IDE: variants seen among roughly 807,000 people sequenced by gnomAD.
The protein encoded by IDE is insulin degrading enzyme, also known as insulin-degrading enzyme.
In IDE, 58 loss-of-function variants were observed where a neutral mutation model predicts 133.2. The ratio of observed to expected loss-of-function variants is 0.44; its 90% CI spans 0.35 to 0.54. IDE has a LOEUF of 0.54. IDE is among the 20% of genes least tolerant of loss of function. The pLI is 0.00. For synonymous variants in IDE, 396 were observed against 421.3 expected, an observed-to-expected ratio of 0.94 and a Z score of 0.73; for missense variants, 981 against 1,234.0, an observed-to-expected ratio of 0.79 and a Z score of 3.07.
chr10:92,552,792 A>T (rs1842841264), intron 1 of IDE, among the ~76,000 whole-genome samples: 1 of 141,544 alleles, frequency 7.1e-6, no homozygotes, highest in South Asian at 2.4e-4. Context: ...TGGGAGGCAG[A>T]GATTGCAATG....
At chr10:92,549,094 C>T (rs1287597739) in intron 1 of IDE, among the ~76,000 whole-genome samples, 1 of 152,010 alleles carries the variant, frequency 6.6e-6, no homozygotes, top group African/African-American at 2.4e-5. Flanking sequence ...ACTGTCTCTA[C>T]TAAAAATACA....
intron 1 of IDE, among the ~76,000 whole-genome samples, chr10:92,565,960 G>A (rs1190220512): frequency 6.6e-6 from 1 of 151,346 alleles, no homozygotes; most frequent in African/African-American, 2.4e-5. Context: ...GTGTATCCTT[G>A]AGCAAGTTAA....
At chr10:92,472,089 T>C (rs1237663542) in intron 17 of IDE, among the ~76,000 whole-genome samples, 1 of 152,198 alleles carries the variant, frequency 6.6e-6, no homozygotes, top group Non-Finnish European at 1.5e-5. Context: ...AATTAAGCCA[T>C]TCTGGCATTT....
intron 4 of IDE, among the ~76,000 whole-genome samples, chr10:92,523,969 T>C (rs1017347119): frequency 6.6e-6 from 1 of 151,928 alleles, no homozygotes; most frequent in Non-Finnish European, 1.5e-5. Flanking sequence ...CTAAACCTGC[T>C]TGTAAACATT....
intron 1 of IDE, among the ~76,000 whole-genome samples, chr10:92,547,241 T>A (rs1027661184): frequency 3.8e-5 from 3 of 79,824 alleles, no homozygotes; most frequent in Admixed American, 1.4e-4. Flanking sequence ...GCCCGGCTAA[T>A]TTTTTGTATT....
chr10:92,524,334 ATAT>A (rs1256280943), intron 4 of IDE, among the ~76,000 whole-genome samples: 2 of 67,306 alleles, frequency 3.0e-5, no homozygotes, highest in Non-Finnish European at 5.3e-5. Flanking sequence ...ATTATTATAT[ATAT>A]TATATTATAT....
chr10:92,555,319 G>A (rs1273394710), intron 1 of IDE, among the ~76,000 whole-genome samples: 2 of 151,936 alleles, frequency 1.3e-5, no homozygotes, highest in East Asian at 1.9e-4. Flanking sequence ...CCAACATGGT[G>A]AAATCCCATC....
At chr10:92,497,224 T>C (rs1165406935) in intron 11 of IDE, among the ~76,000 whole-genome samples, 1 of 152,190 alleles carries the variant, frequency 6.6e-6, no homozygotes, top group African/African-American at 2.4e-5. Flanking sequence ...CACCAAATGA[T>C]AGGATCAGGG....
chr10:92,457,569 T>G (rs1845098822), intron 22 of IDE, among the ~76,000 whole-genome samples: 1 of 152,096 alleles, frequency 6.6e-6, no homozygotes, highest in Non-Finnish European at 1.5e-5. Flanking sequence ...TGGGGAAGTA[T>G]GTCCCAACCT....
chr10:92,565,624 CAT>C (rs1181527405), intron 1 of IDE, among the ~76,000 whole-genome samples: 3 of 152,010 alleles, frequency 2.0e-5, no homozygotes, highest in Non-Finnish European at 2.9e-5. Flanking sequence ...CGCATCTAAA[CAT>C]AGATTATTTT....
rs1488078722 is a variant in IDE, at chr10:92,473,128, C to T, written c.2116+1713G>A. Among the ~76,000 whole-genome samples the T allele has an allele frequency of 2.6e-5, 4 of 151,450 alleles. No individual in the cohort carries two copies. The East Asian group carries it at 7.8e-4, about 29-fold the overall frequency. On this transcript the variant is annotated intron_variant, in intron 17 of 24. Transcript: ENST00000265986. ...CGGCTAATTTTTTGTATTTTTAGTACAGACGGGGATTCACCATGGTCTCCA... is the reference window on the plus strand; with the variant it reads ...CGGCTAATTTTTTGTATTTTTAGTATAGACGGGGATTCACCATGGTCTCCA...
chr10:92,537,609 T>C (rs1249843021), intron 1 of IDE, 59 bp from the exon 2 acceptor site: 2 of 1,247,704 alleles, frequency 1.6e-6, no homozygotes, highest in Non-Finnish European at 2.3e-6. Context: ...GGACAAACAA[T>C]AACGTCAAGT....
intron 21 of IDE, among the ~76,000 whole-genome samples, chr10:92,462,853 CAATA>C (rs1030361792): frequency 6.6e-6 from 1 of 152,134 alleles, no homozygotes; most frequent in Admixed American, 6.5e-5. Flanking sequence ...GGCAAATGCT[CAATA>C]AATGAGAGAC....
rs1301296119 is a variant in IDE at position 92,510,059 on chromosome 10, T to C, written c.888A>G (p.Glu296=). 2 of 1,557,334 alleles carry C rather than the reference T, an allele frequency of 1.3e-6. No homozygotes were observed. The highest frequency in any genetic ancestry group is 1.4e-5 in the African/African-American group (1 of 73,576). ...PEFPEHPFQE[E]HLKQLYKIVP... Reference sequence around the variant, plus strand: ...AAATTTATGCACTTACTTTAAGATGTTCTTCTTGGAAAGGGTGTTCAGGAA... The same window carrying C: ...AAATTTATGCACTTACTTTAAGATGCTCTTCTTGGAAAGGGTGTTCAGGAA... Residue 296 remains glutamate (E), a synonymous_variant, in exon 6 of 25, where the codon GAA becomes GAG. Transcript: ENST00000265986.
intron 12 of IDE, among the ~76,000 whole-genome samples, chr10:92,488,702 G>A (rs1317193688): frequency 2.0e-5 from 3 of 151,690 alleles, no homozygotes; most frequent in Non-Finnish European, 4.4e-5. Flanking sequence ...ATGTGAACCT[G>A]GAAGGCAGAG....
intron 1 of IDE, among the ~76,000 whole-genome samples, chr10:92,572,755 C>T (rs1843846597): frequency 6.6e-6 from 1 of 152,160 alleles, no homozygotes; most frequent in South Asian, 2.1e-4. Context: ...CGGCTCACTG[C>T]TCCCCCAACA....
intron 5 of IDE, among the ~76,000 whole-genome samples, chr10:92,514,215 T>C (rs1274926450): frequency 6.6e-6 from 1 of 152,132 alleles, no homozygotes; most frequent in Non-Finnish European, 1.5e-5. Flanking sequence ...ATTGATACCA[T>C]CATTACCAAT....
Position 92,495,815 on chromosome 10 carries a change from T to C in IDE, c.1431-5220A>G, listed in dbSNP as rs528489615. ...AGATTCAAAAATCATACTTAAATAG[T>C]GATAGGAAAGCTAAAGTGCTAAAGG... On this transcript the variant is annotated intron_variant, in intron 11 of 24. Coordinates refer to ENST00000265986, the MANE Select transcript of IDE (RefSeq NM_004969.4). Among the ~76,000 whole-genome samples the C allele has an allele frequency of 2.6e-5, 4 of 151,248 alleles. No homozygotes were observed. The South Asian group carries it at 8.4e-4, about 32-fold the overall frequency.
intron 11 of IDE, among the ~76,000 whole-genome samples, chr10:92,501,925 A>C (rs1053258257): frequency 1.3e-5 from 2 of 152,156 alleles, no homozygotes; most frequent in Non-Finnish European, 2.9e-5. Context: ...CAGTAAGCCG[A>C]GATTGCACCA....
Sources: gnomAD v4.1 joint callset for allele counts (sites outside exome capture counted in the v4.1 genomes callset) on GRCh38, gnomAD v4.1.1 for gene constraint, MANE v1.5 for transcripts, NCBI Gene and HGNC (gene_info 2026-07-23, HGNC 2026-07-21) for gene names.